HTR1E: variants seen among roughly 807,000 people sequenced by gnomAD.
HTR1E encodes the protein 5-hydroxytryptamine receptor 1E, also known as 5-HT-1E.
Under a neutral mutation model 3.4 loss-of-function variants are expected in HTR1E, and 3 were observed. That is an observed-to-expected ratio of 0.89 (90% CI 0.41 to 2.31). The LOEUF is 2.31. Ranked by LOEUF, HTR1E falls within the 30% of genes most tolerant of loss-of-function variation. The probability of loss-of-function intolerance (pLI) is 0.05; values close to 1 mark genes in which losing one functional copy is unlikely to be tolerated. For synonymous variants in HTR1E, 170 were observed against 182.8 expected (o/e 0.93, Z 0.56); for missense variants, 392 against 467.0 (o/e 0.84, Z 1.48).
chr6:86,997,822 C>T lies in HTR1E; in HGVS notation c.-185-17328C>T, dbSNP rs557634009. Reference sequence around the variant, plus strand: ...GAGGATGTCAGACTGGATAAAAATGCGAGATTCAATTACAGGCTATCTATA... The same window carrying T: ...GAGGATGTCAGACTGGATAAAAATGTGAGATTCAATTACAGGCTATCTATA... On this transcript the variant is annotated intron_variant, in intron 1 of 1. Coordinates refer to ENST00000305344, the MANE Select transcript of HTR1E (RefSeq NM_000865.3). 3.3e-5 allele frequency among the ~76,000 whole-genome samples: 5 copies of T among 151,334 alleles called. No individual in the cohort carries two copies. In the South Asian group the frequency reaches 8.4e-4, roughly 25 times the overall value.
At chr6:86,961,899 C>T (rs1162809314) in intron 1 of HTR1E, among the ~76,000 whole-genome samples, 1 of 152,210 alleles carries the variant, frequency 6.6e-6, no homozygotes, top group Non-Finnish European at 1.5e-5. Flanking sequence ...AGAACTTCAT[C>T]TGAGTAATCC....
Position 87,015,316 on chromosome 6 carries a change from A to C in HTR1E, c.-19A>C, listed in dbSNP as rs1425035245. On this transcript the variant is annotated 5_prime_UTR_variant, in exon 2 of 2. Transcript: ENST00000305344. ...ATAACCAACAGCTTCTCCACAGTGT[A>C]GACTGAAACAAGGGAAACATGAACA... 1 of 1,522,708 alleles carries C rather than the reference A, an allele frequency of 6.6e-7. No individual in the cohort carries two copies. Among genetic ancestry groups the C allele is most frequent in the Admixed American group, 2.0e-5 (1 of 49,084 alleles). The allele number at this position is 1,522,708 out of a possible 1,614,324, so 94.3% of individuals were successfully genotyped here. A position where few individuals can be genotyped will look rare whatever the true frequency, so the allele number is the denominator to read the frequency against.
chr6:86,949,688 A>C (rs1767199618), intron 1 of HTR1E, among the ~76,000 whole-genome samples: 1 of 152,122 alleles, frequency 6.6e-6, no homozygotes, highest in South Asian at 2.1e-4. Context: ...CTTGTAACTA[A>C]AAATTATGAT....
chr6:86,947,124 A>C (rs1768628028), intron 1 of HTR1E, among the ~76,000 whole-genome samples: 1 of 152,170 alleles, frequency 6.6e-6, no homozygotes, highest in Admixed American at 6.5e-5. Flanking sequence ...CTCAAAAAAA[A>C]AATGCACAGA....
intron 1 of HTR1E, among the ~76,000 whole-genome samples, chr6:86,975,599 G>C (rs1767623791): frequency 6.6e-6 from 1 of 151,764 alleles, no homozygotes; most frequent in African/African-American, 2.4e-5. Flanking sequence ...TCCTATATGT[G>C]TACCCTCCTC....
rs1480378534 is a variant in HTR1E at position 87,009,970 on chromosome 6, G to A, written c.-185-5180G>A. ...CCAGTAGGGGCGGCCGGGCAGAGGC[G>A]CCCCTCACCTCCCAGACGGGGTGGC... On this transcript the variant is annotated intron_variant, in intron 1 of 1. Transcript: ENST00000305344. Among the ~76,000 whole-genome samples the A allele has an allele frequency of 7.3e-3, 893 of 121,506 alleles. 8 individuals carry two copies. Among genetic ancestry groups the A allele is most frequent in the Admixed American group, 0.03 (377 of 12,674 alleles). 79.7% of individuals were successfully genotyped at this position (121,506 alleles called of 152,430 possible). A position where few individuals can be genotyped will look rare whatever the true frequency, so the allele number is the denominator to read the frequency against.
chr6:87,016,279 T>G lies in HTR1E; in HGVS notation c.945T>G (p.Gly315=). 6.2e-7 allele frequency: 1 copy of G among 1,613,420 alleles called. No individual in the cohort carries two copies. Among genetic ancestry groups the G allele is most frequent in the Non-Finnish European group, 8.5e-7 (1 of 1,179,782 alleles). Residue 315 remains glycine, a synonymous_variant, in exon 2 of 2, where the codon GGT becomes GGG. Coordinates refer to ENST00000305344, the MANE Select transcript of HTR1E (RefSeq NM_000865.3). ...LPFFIKELIV[G]LSIYTVSSEV... ...TTTTCATCAAAGAGTTGATTGTGGG[T>G]CTGAGCATCTACACCGTGTCCTCGG...
intron 1 of HTR1E, among the ~76,000 whole-genome samples, chr6:86,955,020 T>G (rs916243500): frequency 2.4e-4 from 36 of 152,174 alleles, no homozygotes; most frequent in Non-Finnish European, 4.1e-4. Context: ...TGCTTGGTTT[T>G]CAACAGCTTC....
chr6:87,010,308 G>C (rs1331213873), intron 1 of HTR1E, among the ~76,000 whole-genome samples: 1 of 106,390 alleles, frequency 9.4e-6, no homozygotes, highest in Non-Finnish European at 1.9e-5. Context: ...CTGGCCGGGC[G>C]GGGGGGCTGA....
At position 87,015,299 on chromosome 6, in the gene HTR1E, C is replaced by T; in HGVS notation, c.-36C>T. The T allele has an allele frequency of 6.8e-7, 1 of 1,465,138 alleles. No homozygotes were observed. Among genetic ancestry groups the T allele is most frequent in the East Asian group, 2.3e-5 (1 of 42,586 alleles). 90.8% of individuals were successfully genotyped at this position (1,465,138 alleles called of 1,614,324 possible). On this transcript the variant is annotated 5_prime_UTR_variant, in exon 2 of 2. Coordinates refer to ENST00000305344, the MANE Select transcript of HTR1E (RefSeq NM_000865.3). ...TTTTCAGCCAAAGGAAAATAACCAA[C>T]AGCTTCTCCACAGTGTAGACTGAAA... is the stretch of plus-strand genomic sequence containing the variant.
Position 87,015,185 on chromosome 6 carries a change from C to A in HTR1E, c.-150C>A. ...TCAGAAGAAATGCTGTGGCCCTTCC[C>A]TTTACCAACAGAAAATGGAACACAA... On this transcript the variant is annotated 5_prime_UTR_variant, in exon 2 of 2. Transcript: ENST00000305344. 2 of 507,860 alleles carry A rather than the reference C, an allele frequency of 3.9e-6. No individual in the cohort carries two copies. The highest frequency in any genetic ancestry group is 6.4e-6 in the Non-Finnish European group (2 of 312,916). 31.5% of individuals were successfully genotyped at this position (507,860 alleles called of 1,614,324 possible).
At chr6:86,991,357 T>C (rs756814790) in intron 1 of HTR1E, among the ~76,000 whole-genome samples, 2 of 152,166 alleles carry the variant, frequency 1.3e-5, no homozygotes, top group Non-Finnish European at 2.9e-5. Context: ...TTGAAAAATG[T>C]ACCATGGTAA....
At chr6:86,995,537 G>C (rs553975237) in intron 1 of HTR1E, among the ~76,000 whole-genome samples, 3 of 150,458 alleles carry the variant, frequency 2.0e-5, no homozygotes, top group Admixed American at 6.6e-5. Flanking sequence ...GTGGTGACAG[G>C]CACCTGTAAT....
intron 1 of HTR1E, among the ~76,000 whole-genome samples, chr6:87,007,287 T>C (rs1582283079): frequency 2.0e-5 from 3 of 151,982 alleles, no homozygotes; most frequent in South Asian, 4.2e-4. Context: ...AATGAATTCA[T>C]GGAGGTAGAG....
chr6:86,938,075 A>G (rs553560765), intron 1 of HTR1E, among the ~76,000 whole-genome samples: 83 of 152,364 alleles, frequency 5.4e-4, no homozygotes, highest in African/African-American at 1.9e-3. Flanking sequence ...AACATTGTGT[A>G]TAACTGTGGT....
At chr6:86,988,442 G>T (rs948669868) in intron 1 of HTR1E, among the ~76,000 whole-genome samples, 1 of 152,066 alleles carries the variant, frequency 6.6e-6, no homozygotes, top group East Asian at 1.9e-4. Context: ...CAGTAGACAG[G>T]GTATGAACAT....
At chr6:86,956,269 GACTA>G (rs1170061539) in intron 1 of HTR1E, among the ~76,000 whole-genome samples, 1 of 152,066 alleles carries the variant, frequency 6.6e-6, no homozygotes, top group African/African-American at 2.4e-5. Flanking sequence ...ATCCCAGAAA[GACTA>G]ACTAAAAGTC....
chr6:87,015,457 G>A lies in HTR1E; in HGVS notation c.123G>A (p.Leu41=). The change falls in exon 2 of 2, where the codon TTG becomes TTA. Residue 41 remains leucine, a synonymous_variant. Transcript: ENST00000305344. ...VITTLTTLLN[L]AVIMAIGTTK... ...CCACCCTCACCACGTTGCTGAACTTGGCTGTGATCATGGCTATTGGCACCA... is the reference window on the plus strand; with the variant it reads ...CCACCCTCACCACGTTGCTGAACTTAGCTGTGATCATGGCTATTGGCACCA... 4 of 1,614,084 alleles carry A rather than the reference G, an allele frequency of 2.5e-6. No homozygotes were observed. Among genetic ancestry groups the A allele is most frequent in the Non-Finnish European group, 3.4e-6 (4 of 1,179,992 alleles).
At chr6:86,997,152 T>C in intron 1 of HTR1E, among the ~76,000 whole-genome samples, 1 of 152,020 alleles carries the variant, frequency 6.6e-6, no homozygotes, top group East Asian at 1.9e-4. Flanking sequence ...TCATTCATTA[T>C]AAAAAAGATT....
Sources: gnomAD v4.1 joint callset for allele counts (sites outside exome capture counted in the v4.1 genomes callset) on GRCh38, gnomAD v4.1.1 for gene constraint, MANE v1.5 for transcripts, NCBI Gene and HGNC (gene_info 2026-07-23, HGNC 2026-07-21) for gene names.